Variants in TAF1 observed in about 807,000 individuals in gnomAD.
TAF1 encodes the protein TATA-box binding protein associated factor 1, also known as transcription initiation factor TFIID subunit 1.
In TAF1, 2 loss-of-function variants were observed where a neutral mutation model predicts 138.5. The observed-to-expected ratio is 0.01, with a 90% CI of 0.01 to 0.05. The LOEUF (loss-of-function observed/expected upper bound fraction) is 0.05, where lower values mean the gene tolerates loss of function less well. TAF1 is among the 10% of genes least tolerant of loss of function. TAF1 has a pLI of 1.00. For missense variants in TAF1, 709 were observed against 1,478.0 expected (o/e 0.48, Z 8.53); for synonymous variants, 437 against 503.2 (o/e 0.87, Z 1.76).
chrX:71,390,929 A>G (rs751476907), intron 18 of TAF1, among the ~76,000 whole-genome samples: 1 of 109,551 alleles, frequency 9.1e-6, no homozygotes, highest in African/African-American at 3.3e-5. Flanking sequence ...TGGGAGGTGG[A>G]GGTTGCCGGG....
intron 13 of TAF1, among the ~76,000 whole-genome samples, chrX:71,507,091 T>A (rs1466998382): frequency 8.9e-6 from 1 of 112,203 alleles, no homozygotes; most frequent in African/African-American, 3.2e-5. Context: ...GAATGACTGC[T>A]TGATGGGTAC....
chrX:71,491,998 A>G (rs1182064880), intron 13 of TAF1: 2 of 112,159 alleles, frequency 1.8e-5, no homozygotes, highest in East Asian at 5.6e-4. Flanking sequence ...TACATTTTAC[A>G]CTTCCTGCAC....
At chrX:71,402,830 A>T (rs909142468) in intron 25 of TAF1, among the ~76,000 whole-genome samples, 4 of 111,114 alleles carry the variant, frequency 3.6e-5, no homozygotes, top group South Asian at 7.5e-4. Flanking sequence ...TGCAGGCATC[A>T]TATTTCACTC....
chrX:71,493,158 A>AAT (rs1171597402), intron 13 of TAF1, among the ~76,000 whole-genome samples: 1 of 110,877 alleles, frequency 9.0e-6, no homozygotes, highest in Non-Finnish European at 1.9e-5. Context: ...AGCTGGGACA[A>AAT]TAGGCGCGCC....
chrX:71,470,927 G>A (rs1322578303), downstream of TAF1, among the ~76,000 whole-genome samples: 1 of 109,379 alleles, frequency 9.1e-6, no homozygotes, highest in Non-Finnish European at 1.9e-5. Context: ...GCTGAGGTGG[G>A]AGGATTGCTT....
chrX:71,445,298 CAA>C (rs41356545), intron 32 of TAF1, among the ~76,000 whole-genome samples: 72 of 36,959 alleles, frequency 1.9e-3, no homozygotes, highest in African/African-American at 5.2e-3. Flanking sequence ...AGACTCATCT[CAA>C]AAAAAAAAAA....
Position 71,388,840 on chromosome X carries a change from G to C in TAF1, c.2672G>C (p.Ser891Thr). The change falls in exon 17 of 38, where the codon AGC (serine) becomes ACC (threonine). Residue 891 changes from serine (S) to threonine (T), a missense_variant. By Grantham distance (58) the Ser-to-Thr change is moderately conservative (BLOSUM62 1). Coordinates refer to ENST00000423759, the MANE Select transcript of TAF1 (RefSeq NM_004606.5). The stretch of plus-strand genomic sequence containing the variant: ...CCAGAGCAGTGCTGTGCTTATTATA[G>C]CATGATAGCTGCAGAGCAACGACTG... ...VSPEQCCAYY[S>T]MIAAEQRLKD... 1.7e-6 allele frequency: 2 copies of C among 1,210,338 alleles called. No homozygotes were observed. The highest frequency in any genetic ancestry group is 2.2e-6 in the Non-Finnish European group (2 of 894,662).
chrX:71,370,011 G>T (rs2032922519), intron 3 of TAF1, among the ~76,000 whole-genome samples: 1 of 110,110 alleles, frequency 9.1e-6, no homozygotes, highest in African/African-American at 3.3e-5. Flanking sequence ...GATCACGTGA[G>T]GCCAGGAGTT....
chrX:71,379,173 T>C, intron 8 of TAF1, 142 bp downstream of exon 8: 1 of 609,615 alleles, frequency 1.6e-6, no homozygotes, highest in Non-Finnish European at 2.4e-6. Flanking sequence ...TGGAGTGCAA[T>C]GGTGCAGTCT....
intron 32 of TAF1, among the ~76,000 whole-genome samples, chrX:71,436,182 G>C (rs1820469258): frequency 9.7e-6 from 1 of 102,970 alleles, no homozygotes; most frequent in African/African-American, 3.6e-5. Flanking sequence ...CAAGAAGCTG[G>C]GACTACAGGC....
intron 34 of TAF1, among the ~76,000 whole-genome samples, chrX:71,457,111 C>G (rs2038341991): frequency 8.9e-6 from 1 of 112,008 alleles, no homozygotes; most frequent in South Asian, 3.7e-4. Flanking sequence ...CCTTATTTTT[C>G]CTTTCTTCTG....
intron 3 of TAF1, 144 bp downstream of exon 3, chrX:71,368,314 G>A: frequency 1.8e-6 from 1 of 541,825 alleles, no homozygotes; most frequent in Non-Finnish European, 2.9e-6. Context: ...CCCTTTGTCA[G>A]GTCAGTTCCA....
At chrX:71,412,733 G>C (rs1305935217) in intron 28 of TAF1, among the ~76,000 whole-genome samples, 1 of 111,496 alleles carries the variant, frequency 9.0e-6, no homozygotes, top group Non-Finnish European at 1.9e-5. Flanking sequence ...GGCTATAGGC[G>C]CGTGCCACCC....
intron 28 of TAF1, among the ~76,000 whole-genome samples, chrX:71,417,052 A>G (rs1037074485): frequency 1.8e-5 from 2 of 110,103 alleles, no homozygotes; most frequent in Admixed American, 9.8e-5. Context: ...TCATATTGAA[A>G]CTTAATGCCC....
chrX:71,490,275 C>T (rs1175576150), intron 13 of TAF1, among the ~76,000 whole-genome samples: 2 of 111,978 alleles, frequency 1.8e-5, no homozygotes, highest in South Asian at 3.7e-4. Flanking sequence ...TCCCAGCCTT[C>T]AGAACTGTAA....
At chrX:71,437,336 T>C (rs2037193408) in intron 32 of TAF1, among the ~76,000 whole-genome samples, 2 of 111,146 alleles carry the variant, frequency 1.8e-5, no homozygotes, top group African/African-American at 6.5e-5. Context: ...GTCTTTGTTA[T>C]GAGGGTACTA....
At chrX:71,497,628 C>G (rs1421633564) in intron 13 of TAF1, among the ~76,000 whole-genome samples, 2 of 111,584 alleles carry the variant, frequency 1.8e-5, no homozygotes, top group African/African-American at 3.3e-5. Context: ...ACTCCAAGAG[C>G]TATTCCTGCT....
chrX:71,495,664 C>G (rs945988856), intron 13 of TAF1, among the ~76,000 whole-genome samples: 10 of 111,522 alleles, frequency 9.0e-5, no homozygotes, highest in African/African-American at 3.3e-4. Flanking sequence ...AGGATAGATT[C>G]TGTTATTTCT....
In TAF1 at chrX:71,366,466, A is replaced by T. The variant is rs371076360; in HGVS notation, c.92A>T (p.Gln31Leu). ...TTCGGCAACATCAATGGAGCCGGGC[A>T]GCTGGAGGGGGAAAGCGTCTTGGAT... Reference protein sequence around the residue: ...FLFGNINGAGQLEGESVLDDE... With the variant: ...FLFGNINGAGLLEGESVLDDE... The change falls in exon 1 of 38, where the codon CAG becomes CTG. Residue 31 changes from glutamine (Q) to leucine (L), a missense_variant. By Grantham distance (113) the Gln-to-Leu change is moderately radical (BLOSUM62 -2). Transcript: ENST00000423759. 7.2e-5 allele frequency: 71 copies of T among 981,995 alleles called. No homozygotes were observed. Among genetic ancestry groups the T allele is most frequent in the Non-Finnish European group, 8.6e-5 (66 of 763,831 alleles). The allele number at this position is 981,995 out of a possible 1,213,427, so 80.9% of individuals were successfully genotyped here. A position where few individuals can be genotyped will look rare whatever the true frequency, so the allele number is the denominator to read the frequency against.
Sources: gnomAD v4.1 joint callset for allele counts (sites outside exome capture counted in the v4.1 genomes callset) on GRCh38, gnomAD v4.1.1 for gene constraint, MANE v1.5 for transcripts, NCBI Gene and HGNC (gene_info 2026-07-23, HGNC 2026-07-21) for gene names.